SAXO5: variants seen among roughly 807,000 people sequenced by gnomAD.
SAXO5 encodes the protein testis expressed 45.
At chr19:7,500,478 A>T in the SAXO5 span, among the ~76,000 whole-genome samples, 549 of 147,958 alleles carry the variant, frequency 3.7e-3, 7 homozygotes, top group East Asian at 0.023. Flanking sequence ...ATTTTTTTTA[A>T]AAATTATTTT....
At chr19:7,501,859 A>AAGAGAG in the SAXO5 span, among the ~76,000 whole-genome samples, 3 of 145,668 alleles carry the variant, frequency 2.1e-5, no homozygotes, top group Non-Finnish European at 4.5e-5. Context: ...AGAAAGAAGA[A>AAGAGAG]AGAGAGAGAG....
the SAXO5 span, among the ~76,000 whole-genome samples, chr19:7,500,233 A>G: frequency 6.6e-6 from 1 of 152,066 alleles, no homozygotes; most frequent in Admixed American, 6.5e-5. Flanking sequence ...CTCCAGGCCT[A>G]GAGTAGGGAC....
At chr19:7,501,258 C>A in the SAXO5 span, 9 of 1,567,998 alleles carry the variant, frequency 5.7e-6, no homozygotes, top group African/African-American at 1.3e-4. Flanking sequence ...AGAGCGGATC[C>A]GCGGCGCGCG....
At chr19:7,506,148 T>C in the SAXO5 span, 2 of 1,607,278 alleles carry the variant, frequency 1.2e-6, no homozygotes, top group African/African-American at 2.7e-5. Flanking sequence ...CAAAGCTACC[T>C]GCCGCGGGGC....
chr19:7,504,093 T>TC, the SAXO5 span: 2 of 1,498,658 alleles, frequency 1.3e-6, no homozygotes, highest in Non-Finnish European at 1.9e-6. Flanking sequence ...TCTCTCTCTC[T>TC]CCCCCCATCC....
the SAXO5 span, among the ~76,000 whole-genome samples, chr19:7,504,705 CAAA>C: frequency 9.8e-5 from 14 of 143,082 alleles, no homozygotes; most frequent in Admixed American, 1.4e-4. Context: ...GACTCCATCT[CAAA>C]AAAAAAAAAA....
At chr19:7,504,254 C>T in the SAXO5 span, 376 of 1,613,152 alleles carry the variant, frequency 2.3e-4, 1 homozygote, top group African/African-American at 3.5e-3. Flanking sequence ...GGGCTGCAGG[C>T]GGGGGCAGAA....
At chr19:7,506,417 C>G in the SAXO5 span, 3 of 554,418 alleles carry the variant, frequency 5.4e-6, no homozygotes, top group Non-Finnish European at 6.6e-6. Context: ...CAACTCTGCT[C>G]CTGGATAATC....
the SAXO5 span, chr19:7,500,863 C>G: frequency 3.9e-6 from 6 of 1,548,478 alleles, no homozygotes; most frequent in East Asian, 1.5e-4. Flanking sequence ...CGCCCGTGCC[C>G]GATGTCCCGG....
At chr19:7,504,143 G>A in the SAXO5 span, 1 of 1,613,136 alleles carries the variant, frequency 6.2e-7, no homozygotes, top group African/African-American at 1.3e-5. Context: ...CCCTCAAGTG[G>A]GACTACACGA....
chr19:7,504,188 G>T, the SAXO5 span: 1 of 1,614,098 alleles, frequency 6.2e-7, no homozygotes, highest in Non-Finnish European at 8.5e-7. Flanking sequence ...GACAGTTCCA[G>T]GCCCTGCCAG....
the SAXO5 span, chr19:7,508,336 T>A: frequency 6.2e-7 from 1 of 1,613,940 alleles, no homozygotes; most frequent in Admixed American, 1.7e-5. Context: ...GAGGGCTTCG[T>A]GCCCCTGGGC....
At chr19:7,506,104 A>G in the SAXO5 span, 577,854 of 1,610,194 alleles carry the variant, frequency 0.36, 106,144 homozygotes, top group African/African-American at 0.46. Flanking sequence ...CAGAGTGGAG[A>G]CAGGTGCAGA....
the SAXO5 span, among the ~76,000 whole-genome samples, chr19:7,503,746 A>C: frequency 6.6e-6 from 1 of 151,734 alleles, no homozygotes; most frequent in Admixed American, 6.6e-5. Context: ...TGGCCTCTCA[A>C]AGTGCTGGGA....
chr19:7,505,009 A>C, the SAXO5 span, among the ~76,000 whole-genome samples: 1 of 133,436 alleles, frequency 7.5e-6, no homozygotes. Context: ...TTTGAGACGT[A>C]GTCTCGCTCT....
At chr19:7,499,959 TG>T in the SAXO5 span, 1 of 151,762 alleles carries the variant, frequency 6.6e-6, no homozygotes, top group Non-Finnish European at 1.5e-5. Context: ...TGTGTGTGTG[TG>T]TGTGTGGAGA....
chr19:7,503,274 G>A, the SAXO5 span, among the ~76,000 whole-genome samples: 1 of 152,056 alleles, frequency 6.6e-6, no homozygotes, highest in Non-Finnish European at 1.5e-5. Context: ...GGCTGAGGCA[G>A]GAGAATCGCT....
the SAXO5 span, among the ~76,000 whole-genome samples, chr19:7,501,677 A>G: frequency 9.9e-5 from 15 of 151,558 alleles, no homozygotes; most frequent in African/African-American, 3.6e-4. Flanking sequence ...AAAAATTAGT[A>G]GGGCGCGGTG....
At chr19:7,500,834 C>A in the SAXO5 span, 11 of 1,493,692 alleles carry the variant, frequency 7.4e-6, no homozygotes, top group Admixed American at 1.7e-4. Flanking sequence ...TGGCCACAGG[C>A]GCCCTCCTGC....
Sources: allele counts gnomAD v4.1 joint callset (sites outside exome capture counted in the v4.1 genomes callset), GRCh38; gene constraint gnomAD v4.1.1; transcripts MANE v1.5; gene names NCBI Gene and HGNC (gene_info 2026-07-23, HGNC 2026-07-21).